TENM2: variants seen among roughly 807,000 people sequenced by gnomAD.
TENM2 encodes teneurin transmembrane protein 2.
A neutral mutation model predicts 245.2 loss-of-function variants in TENM2; 52 were observed. That is an observed-to-expected ratio of 0.21 (90% CI 0.17 to 0.27). The LOEUF (loss-of-function observed/expected upper bound fraction) is 0.27, where lower values mean the gene tolerates loss of function less well. Among genes scored for constraint, TENM2 ranks in the 10% least tolerant of loss-of-function variants. The pLI, the probability that TENM2 is intolerant of heterozygous loss-of-function variation, is 1.00. For missense variants in TENM2, 3,046 were observed against 3,666.8 expected (o/e 0.83, Z 4.37); for synonymous variants, 1,363 against 1,438.9 (o/e 0.95, Z 1.19).
At chr5:168,245,492 TTC>T (rs1172784713) in intron 26 of TENM2, among the ~76,000 whole-genome samples, 2 of 151,242 alleles carry the variant, frequency 1.3e-5, no homozygotes, top group Non-Finnish European at 2.9e-5. Context: ...AGCCCATGAA[TTC>T]TCTCTACATG....
chr5:167,035,772 C>T, the TENM2 span, among the ~76,000 whole-genome samples: 2 of 152,218 alleles, frequency 1.3e-5, no homozygotes, highest in African/African-American at 4.8e-5. Context: ...CACAGTTTCA[C>T]TCTGTCACCT....
exon 21 of TENM2, chr5:168,215,267 C>T: frequency 6.2e-7 from 1 of 1,613,314 alleles, no homozygotes; most frequent in Non-Finnish European, 8.5e-7. Flanking sequence ...CTGATGAGCC[C>T]GAGAGGTAAA....
intron 2 of TENM2, among the ~76,000 whole-genome samples, chr5:167,573,614 C>T (rs1215303833): frequency 2.0e-5 from 3 of 151,908 alleles, no homozygotes; most frequent in Non-Finnish European, 4.4e-5. Context: ...CTTTGATGCA[C>T]ATACGTTGTC....
intron 2 of TENM2, among the ~76,000 whole-genome samples, chr5:167,376,423 G>T (rs1760755131): frequency 1.3e-5 from 2 of 152,096 alleles, no homozygotes; most frequent in African/African-American, 4.8e-5. Context: ...AGAAACTTCT[G>T]CCAGAGCAGC....
intron 13 of TENM2, among the ~76,000 whole-genome samples, chr5:168,185,835 TA>T (rs982660589): frequency 4.3e-5 from 6 of 138,178 alleles, no homozygotes; most frequent in Admixed American, 7.7e-5. Context: ...TCTTTTTTTT[TA>T]AAATGAAAAA....
At chr5:167,932,811 G>A (rs1023611487) in intron 3 of TENM2, among the ~76,000 whole-genome samples, 4 of 151,960 alleles carry the variant, frequency 2.6e-5, no homozygotes, top group Non-Finnish European at 5.9e-5. Context: ...TTCTTAGCTC[G>A]GCGGCTGAAT....
chr5:167,158,909 T>TTCCTTCCTTC, the TENM2 span, among the ~76,000 whole-genome samples: 4 of 117,268 alleles, frequency 3.4e-5, no homozygotes, highest in Admixed American at 8.9e-5. Context: ...CCTTCCTTCC[T>TTCCTTCCTTC]CTTCCTCTCT....
At position 168,070,793 on chromosome 5, in the gene TENM2, A is replaced by AAG. The variant is rs201553774; in HGVS notation, c.1515+8554_1515+8555dup. On this transcript the variant is annotated intron_variant, in intron 7 of 28. Transcript: ENST00000518659. ...AGTGAGATCCTGTCAGAAAGAAAGA[A>AAG]AGAGAGAGAGAGAGAGAGAGAGAGA... Among the ~76,000 whole-genome samples, 885 of 89,396 alleles carry AAG rather than the reference A, an allele frequency of 9.9e-3. 9 individuals are homozygous for AAG. Among genetic ancestry groups the AAG allele is most frequent in the African/African-American group, 0.028 (674 of 23,700 alleles). 58.6% of individuals were successfully genotyped at this position (89,396 alleles called of 152,430 possible).
chr5:167,301,118 T>C (rs1042443501), intron 1 of TENM2, among the ~76,000 whole-genome samples: 1 of 152,116 alleles, frequency 6.6e-6, no homozygotes, highest in African/African-American at 2.4e-5. Flanking sequence ...CGTGATGGCC[T>C]AGGGGGCTTC....
At chr5:167,390,630 A>T (rs973460796) in intron 2 of TENM2, among the ~76,000 whole-genome samples, 4 of 152,190 alleles carry the variant, frequency 2.6e-5, no homozygotes, top group Non-Finnish European at 5.9e-5. Flanking sequence ...AATTACTATT[A>T]TAATAAGCAT....
In TENM2 at chr5:168,154,927, G is replaced by A. The variant is rs145980026; in HGVS notation, c.2423-7684G>A. The stretch of plus-strand genomic sequence containing the variant: ...ACATCTGCCTCTCTCAATTTGCCAC[G>A]TCTTTTCTAACAAAGCAGAGTCAGC... On this transcript the variant is annotated intron_variant, in intron 12 of 28. Coordinates refer to ENST00000518659, the Ensembl canonical transcript of TENM2. 2.4e-4 allele frequency among the ~76,000 whole-genome samples: 36 copies of A among 152,280 alleles called. No homozygotes were observed. In the East Asian group the frequency reaches 2.9e-3, roughly 12 times the overall value.
chr5:167,403,425 A>G (rs1762469036), intron 2 of TENM2, among the ~76,000 whole-genome samples: 1 of 152,246 alleles, frequency 6.6e-6, no homozygotes, highest in East Asian at 1.9e-4. Flanking sequence ...AAGTACTCCT[A>G]ACTAATAAAC....
chr5:167,038,853 T>C, the TENM2 span, among the ~76,000 whole-genome samples: 1 of 152,172 alleles, frequency 6.6e-6, no homozygotes, highest in African/African-American at 2.4e-5. Context: ...CAGTTTTTAT[T>C]TGAGATTTGC....
chr5:167,572,787 T>C (rs1263049218), intron 2 of TENM2, among the ~76,000 whole-genome samples: 1 of 152,152 alleles, frequency 6.6e-6, no homozygotes, highest in African/African-American at 2.4e-5. Flanking sequence ...TTCTTTAAAA[T>C]GGTACAGGAA....
chr5:167,015,855 A>G, the TENM2 span, among the ~76,000 whole-genome samples: 1 of 152,122 alleles, frequency 6.6e-6, no homozygotes, highest in African/African-American at 2.4e-5. Flanking sequence ...CATTGAGACC[A>G]AAGACAGTTA....
chr5:167,400,122 G>C (rs1320362905), intron 2 of TENM2, among the ~76,000 whole-genome samples: 1 of 152,050 alleles, frequency 6.6e-6, no homozygotes, highest in Non-Finnish European at 1.5e-5. Context: ...ACAAAGGAGT[G>C]GATTGATTAA....
chr5:167,760,415 C>T (rs1352685158), intron 2 of TENM2, among the ~76,000 whole-genome samples: 1 of 152,194 alleles, frequency 6.6e-6, no homozygotes, highest in Non-Finnish European at 1.5e-5. Context: ...GCATGGTGCT[C>T]TGTGGCCTCT....
At chr5:167,293,258 A>G (rs764618193) in intron 1 of TENM2, among the ~76,000 whole-genome samples, 4 of 151,956 alleles carry the variant, frequency 2.6e-5, no homozygotes, top group Non-Finnish European at 4.4e-5. Flanking sequence ...CTGGAGTGCA[A>G]TGGTGCAATC....
Position 167,463,083 on chromosome 5 carries a change from A to G in TENM2, c.502+87610A>G, listed in dbSNP as rs139100521. Among the ~76,000 whole-genome samples the G allele has an allele frequency of 6.6e-5, 10 of 152,314 alleles. No individual in the cohort carries two copies. The East Asian group carries it at 1.7e-3, about 27-fold the overall frequency. On this transcript the variant is annotated intron_variant, in intron 2 of 28. Transcript: ENST00000518659. ...GCTACTCTTTCATGGAAATGTAAGT[A>G]GAGATAAAAATGTAAATAGAGATGT... is the stretch of plus-strand genomic sequence containing the variant.
Sources: gnomAD v4.1 joint callset for allele counts (sites outside exome capture counted in the v4.1 genomes callset) on GRCh38, gnomAD v4.1.1 for gene constraint, MANE v1.5 for transcripts, NCBI Gene and HGNC (gene_info 2026-07-23, HGNC 2026-07-21) for gene names.